Variants in RALGPS2 observed in about 807,000 individuals in gnomAD.
RALGPS2 encodes ras-specific guanine nucleotide-releasing factor RalGPS2.
RALGPS2 carries 43 observed loss-of-function variants against 86.8 expected under a neutral mutation model. The ratio of observed to expected loss-of-function variants is 0.50; its 90% CI spans 0.39 to 0.64. The LOEUF (loss-of-function observed/expected upper bound fraction) is 0.64. RALGPS2 is among the 30% of genes least tolerant of loss of function. RALGPS2 has a pLI of 0.00. For missense variants in RALGPS2, 536 were observed against 694.6 expected, an observed-to-expected ratio of 0.77 and a Z score of 2.57; for synonymous variants, 243 against 231.3, an observed-to-expected ratio of 1.05 and a Z score of -0.46.
chr1:178,737,362 C>T (rs948174786), intron 1 of RALGPS2, among the ~76,000 whole-genome samples: 5 of 152,236 alleles, frequency 3.3e-5, no homozygotes, highest in Non-Finnish European at 7.3e-5. Flanking sequence ...TTCTCTGCCT[C>T]AGCCTCGCGA....
At chr1:178,771,297 C>T (rs1341870734) in intron 1 of RALGPS2, among the ~76,000 whole-genome samples, 1 of 152,188 alleles carries the variant, frequency 6.6e-6, no homozygotes, top group African/African-American at 2.4e-5. Context: ...TCTTGAGTTT[C>T]CTTTAAATTG....
In RALGPS2 at chr1:178,815,231, C is replaced by G. The variant is rs561289017; in HGVS notation, c.387+3827C>G. On this transcript the variant is annotated intron_variant, in intron 6 of 19. Coordinates refer to ENST00000367635, the MANE Select transcript of RALGPS2 (RefSeq NM_152663.5). Reference sequence around the variant, plus strand: ...AAGTAGCTGGGATTACAGGCTCACACCACCATGCCCAGTTAATTTTTGTAT... The same window carrying G: ...AAGTAGCTGGGATTACAGGCTCACAGCACCATGCCCAGTTAATTTTTGTAT... Among the ~76,000 whole-genome samples, 464 of 152,192 alleles carry G rather than the reference C, an allele frequency of 3.0e-3. 4 individuals are homozygous for G. Among genetic ancestry groups the G allele is most frequent in the African/African-American group, 0.01 (431 of 41,526 alleles).
intron 1 of RALGPS2, among the ~76,000 whole-genome samples, chr1:178,731,271 GGTTTTT>G (rs1650332933): frequency 1.4e-5 from 1 of 69,380 alleles, no homozygotes; most frequent in African/African-American, 5.2e-5. Flanking sequence ...TAGTTGTTTT[GGTTTTT>G]TTTTTTTTTT....
chr1:178,865,203 T>C (rs1658313167), intron 8 of RALGPS2: 1 of 1,613,902 alleles, frequency 6.2e-7, no homozygotes, highest in African/African-American at 1.3e-5. Flanking sequence ...AAAGTGATCA[T>C]CACAGATTGG....
At chr1:178,774,545 TG>T (rs1652984462) in intron 1 of RALGPS2, among the ~76,000 whole-genome samples, 1 of 152,226 alleles carries the variant, frequency 6.6e-6, no homozygotes, top group Non-Finnish European at 1.5e-5. Context: ...AAAAATATTT[TG>T]CAAACTGAGT....
intron 9 of RALGPS2, 42 bp from the exon 10 acceptor site, chr1:178,878,860 A>G: frequency 6.3e-7 from 1 of 1,599,896 alleles, no homozygotes; most frequent in Non-Finnish European, 8.5e-7. Context: ...GTTCTGGTTA[A>G]GATGTACTTT....
At chr1:178,803,419 G>A (rs1654578368) in intron 4 of RALGPS2, among the ~76,000 whole-genome samples, 2 of 152,074 alleles carry the variant, frequency 1.3e-5, no homozygotes, top group African/African-American at 4.8e-5. Flanking sequence ...GGCTAAAAAC[G>A]AATTCAGTTA....
chr1:178,877,680 T>A, intron 9 of RALGPS2, 45 bp downstream of exon 9: 1 of 1,600,414 alleles, frequency 6.2e-7, no homozygotes, highest in Non-Finnish European at 8.6e-7. Context: ...ATTGCTGTAA[T>A]CCAGTGATTT....
chr1:178,790,827 A>G (rs1211589568), intron 4 of RALGPS2, among the ~76,000 whole-genome samples: 1 of 152,260 alleles, frequency 6.6e-6, no homozygotes, highest in African/African-American at 2.4e-5. Context: ...TGTTTAACCT[A>G]TGATGGCAGC....
intron 4 of RALGPS2, among the ~76,000 whole-genome samples, chr1:178,792,725 C>A (rs1463282308): frequency 6.6e-6 from 1 of 152,136 alleles, no homozygotes; most frequent in Admixed American, 6.5e-5. Flanking sequence ...GGATAGTGAT[C>A]CCTTTCACAC....
At chr1:178,806,350 C>T (rs538266492) in intron 4 of RALGPS2, among the ~76,000 whole-genome samples, 1 of 152,182 alleles carries the variant, frequency 6.6e-6, no homozygotes, top group East Asian at 1.9e-4. Context: ...TTTTAACTTC[C>T]AGTGCTGCTA....
intron 4 of RALGPS2, among the ~76,000 whole-genome samples, chr1:178,789,620 A>G (rs1213474444): frequency 6.6e-6 from 1 of 152,170 alleles, no homozygotes; most frequent in African/African-American, 2.4e-5. Flanking sequence ...TGAGTTTGGG[A>G]ATGTATACTG....
intron 10 of RALGPS2, among the ~76,000 whole-genome samples, chr1:178,883,141 A>G (rs1009029453): frequency 6.6e-6 from 1 of 152,294 alleles, no homozygotes; most frequent in Non-Finnish European, 1.5e-5. Flanking sequence ...TCCTAAAATA[A>G]CCATAAGATC....
chr1:178,805,226 G>A (rs1157429007), intron 4 of RALGPS2, among the ~76,000 whole-genome samples: 1 of 147,444 alleles, frequency 6.8e-6, no homozygotes, highest in Non-Finnish European at 1.5e-5. Flanking sequence ...CATTTTGTAG[G>A]TTGCCTGTTC....
At chr1:178,896,465 T>C (rs79304744) in intron 16 of RALGPS2, among the ~76,000 whole-genome samples, 3 of 148,208 alleles carry the variant, frequency 2.0e-5, no homozygotes, top group African/African-American at 7.9e-5. Flanking sequence ...TATTTTTTTT[T>C]TCTTTTTTTT....
intron 18 of RALGPS2, 42 bp from the exon 19 acceptor site, chr1:178,906,734 C>T: frequency 6.7e-7 from 1 of 1,502,590 alleles, no homozygotes; most frequent in East Asian, 2.3e-5. Context: ...ATGTGTCGTC[C>T]TTACATTTTT....
At chr1:178,774,385 G>T (rs1326605687) in intron 1 of RALGPS2, among the ~76,000 whole-genome samples, 2 of 152,022 alleles carry the variant, frequency 1.3e-5, no homozygotes, top group Non-Finnish European at 2.9e-5. Context: ...GTAATAAATT[G>T]TATATTTTGA....
At chr1:178,782,049 T>A (rs1226030365) in intron 2 of RALGPS2, among the ~76,000 whole-genome samples, 1 of 152,070 alleles carries the variant, frequency 6.6e-6, no homozygotes, top group Non-Finnish European at 1.5e-5. Context: ...AAACTGAAAA[T>A]CAATAACTCC....
intron 17 of RALGPS2, among the ~76,000 whole-genome samples, chr1:178,901,127 ATTTCC>A (rs1337919174): frequency 1.3e-5 from 2 of 151,936 alleles, no homozygotes; most frequent in East Asian, 3.9e-4. Flanking sequence ...TCTTTTTCCC[ATTTCC>A]TTTAATCGTG....
Sources: gnomAD v4.1 joint callset for allele counts (sites outside exome capture counted in the v4.1 genomes callset) on GRCh38, gnomAD v4.1.1 for gene constraint, MANE v1.5 for transcripts, NCBI Gene and HGNC (gene_info 2026-07-23, HGNC 2026-07-21) for gene names.